The following NAALADL2 variants were observed in gnomAD, a reference collection of about 807,000 sequenced individuals.
NAALADL2 encodes inactive N-acetylated-alpha-linked acidic dipeptidase-like protein 2.
A neutral mutation model predicts 87.2 loss-of-function variants in NAALADL2; 76 were observed. The observed-to-expected ratio is 0.87, with a 90% confidence interval of 0.72 to 1.05. NAALADL2 has a LOEUF of 1.05. NAALADL2 is among the 50% of genes least tolerant of loss of function. NAALADL2 has a pLI of 0.00. For synonymous variants in NAALADL2, 354 were observed against 331.0 expected (o/e 1.07, Z -0.75); for missense variants, 1,089 against 945.8 (o/e 1.15, Z -1.99).
chr3:175,256,050 T>C (rs1466722612), intron 3 of NAALADL2, among the ~76,000 whole-genome samples: 1 of 152,230 alleles, frequency 6.6e-6, no homozygotes, highest in Admixed American at 6.5e-5. Context: ...ATATAATTGC[T>C]GTTGAACCTT....
At chr3:175,629,286 A>C (rs1452703171) in intron 11 of NAALADL2, among the ~76,000 whole-genome samples, 1 of 141,746 alleles carries the variant, frequency 7.1e-6, no homozygotes, top group South Asian at 2.2e-4. Context: ...ATATAGATGT[A>C]TACACGCAGA....
At chr3:175,789,234 A>C (rs1752488325) in intron 13 of NAALADL2, among the ~76,000 whole-genome samples, 1 of 152,134 alleles carries the variant, frequency 6.6e-6, no homozygotes, top group South Asian at 2.1e-4. Flanking sequence ...TGAGCTCTCA[A>C]GGTAATTATT....
rs934487475 is a variant in NAALADL2 at position 174,564,170 on chromosome 3, G to C, written c.-115+13533G>C. 2.6e-5 allele frequency among the ~76,000 whole-genome samples: 4 copies of C among 152,272 alleles called. No homozygotes were observed. In the East Asian group the frequency reaches 7.7e-4, roughly 29 times the overall value. ...GGCTCAGTAGCCGGGGGGCTAGTTG[G>C]GTTGGAGGGGTACTTTTACGTATTT... is the stretch of plus-strand genomic sequence containing the variant. On this transcript the variant is annotated intron_variant, in intron 2 of 3. Coordinates refer to the NAALADL2 transcript ENST00000434257.
At chr3:175,157,433 A>G (rs1317895898) in intron 2 of NAALADL2, among the ~76,000 whole-genome samples, 3 of 152,136 alleles carry the variant, frequency 2.0e-5, no homozygotes, top group Non-Finnish European at 4.4e-5. Context: ...GCTGTGATTA[A>G]CAGATACAGT....
chr3:174,671,498 G>C lies in NAALADL2; in HGVS notation c.-114-66143G>C, dbSNP rs1726532340. ...TAGTTAGGACCACTGAAAATGTGTGGTGAGGGAGAGAACAGGAGGAACTGT... is the reference window on the plus strand; with the variant it reads ...TAGTTAGGACCACTGAAAATGTGTGCTGAGGGAGAGAACAGGAGGAACTGT... On this transcript the variant is annotated intron_variant, in intron 2 of 3. Coordinates refer to the NAALADL2 transcript ENST00000434257. Among the ~76,000 whole-genome samples, 6 of 152,240 alleles carry C rather than the reference G, an allele frequency of 3.9e-5. No homozygotes were observed. The South Asian group carries it at 1.2e-3, about 32-fold the overall frequency.
intron 5 of NAALADL2, among the ~76,000 whole-genome samples, chr3:175,361,183 C>T (rs1026674551): frequency 5.5e-4 from 84 of 152,160 alleles, no homozygotes; most frequent in African/African-American, 2.0e-3. Context: ...CATGTCCCTA[C>T]GAAGGACATG....
intron 2 of NAALADL2, among the ~76,000 whole-genome samples, chr3:174,730,534 T>A (rs1732598898): frequency 1.3e-5 from 2 of 152,148 alleles, no homozygotes; most frequent in Admixed American, 1.3e-4. Flanking sequence ...CATATGAATT[T>A]TAGGCATATG....
rs138337785 is a variant in NAALADL2, at chr3:175,299,037, G to T, written c.940-25138G>T. On this transcript the variant is annotated intron_variant, in intron 4 of 13. Coordinates refer to ENST00000454872, the MANE Select transcript of NAALADL2 (RefSeq NM_207015.3). ...AGTGTAAGCATTAACAGAAAATGCG[G>T]AACAACTTAAATACTACAGGTTTGT... Among the ~76,000 whole-genome samples the T allele has an allele frequency of 2.6e-5, 4 of 152,138 alleles. No homozygotes were observed. In the East Asian group the frequency reaches 7.7e-4, roughly 29 times the overall value.
chr3:175,321,946 C>A lies in NAALADL2; in HGVS notation c.940-2229C>A, dbSNP rs1456820790. Among the ~76,000 whole-genome samples, 75 of 151,106 alleles carry A rather than the reference C, an allele frequency of 5.0e-4. 1 individual carries two copies. Among genetic ancestry groups the A allele is most frequent in the Non-Finnish European group, 8.3e-4 (56 of 67,858 alleles). On this transcript the variant is annotated intron_variant, in intron 4 of 13. Transcript: ENST00000454872. ...TTTACAGATTCAATGCCATCCCCAT[C>A]AAGCTACCAATGACTTTCTTCACAG...
Position 175,804,432 on chromosome 3 carries a change from T to C in NAALADL2, c.*1229T>C, listed in dbSNP as rs1754524928. 6.6e-6 allele frequency: 1 copy of C among 151,870 alleles called. No individual in the cohort carries two copies. The highest frequency in any genetic ancestry group is 1.5e-5 in the Non-Finnish European group (1 of 67,850). The allele number at this position is 151,870 out of a possible 1,614,324, so 9.4% of individuals were successfully genotyped here. ...TTTTTATATTGACATTGCCATTGAA[T>C]AGCTCTAGCAACTATTATTATTCCC... is the stretch of plus-strand genomic sequence containing the variant. On this transcript the variant is annotated 3_prime_UTR_variant, in exon 14 of 14. Coordinates refer to ENST00000454872, the MANE Select transcript of NAALADL2 (RefSeq NM_207015.3).
At chr3:175,556,641 A>C (rs558997949) in intron 9 of NAALADL2, among the ~76,000 whole-genome samples, 18 of 151,720 alleles carry the variant, frequency 1.2e-4, no homozygotes, top group African/African-American at 4.1e-4. Context: ...AATATATAAC[A>C]AAAAAAAATC....
intron 9 of NAALADL2, among the ~76,000 whole-genome samples, chr3:175,563,280 C>G (rs1256056957): frequency 3.3e-5 from 5 of 152,136 alleles, no homozygotes; most frequent in Non-Finnish European, 2.9e-5. Context: ...GTATTTATCT[C>G]AAGCACCTAC....
At chr3:175,216,032 A>G (rs1742463455) in intron 2 of NAALADL2, among the ~76,000 whole-genome samples, 1 of 152,158 alleles carries the variant, frequency 6.6e-6, no homozygotes, top group African/African-American at 2.4e-5. Context: ...TTTTAGTGCC[A>G]ATTTGTAATC....
intron 1 of NAALADL2, among the ~76,000 whole-genome samples, chr3:174,884,193 G>A (rs1480350938): frequency 1.3e-5 from 2 of 152,138 alleles, no homozygotes; most frequent in African/African-American, 4.8e-5. Context: ...TGGATCACTA[G>A]GGGTAATGAT....
At chr3:174,552,699 G>A (rs1712270076) in intron 2 of NAALADL2, among the ~76,000 whole-genome samples, 1 of 151,072 alleles carries the variant, frequency 6.6e-6, no homozygotes. Flanking sequence ...GGAAGGCTGA[G>A]GTGGGAGGAT....
intron 2 of NAALADL2, among the ~76,000 whole-genome samples, chr3:174,713,631 AC>A (rs1272950690): frequency 2.6e-5 from 4 of 151,866 alleles, no homozygotes; most frequent in Middle Eastern, 3.2e-3. Context: ...CATATTGTTC[AC>A]CCACTTTTTG....
At chr3:174,830,916 G>T (rs867388687) in intron 3 of NAALADL2, among the ~76,000 whole-genome samples, 12 of 149,258 alleles carry the variant, frequency 8.0e-5, no homozygotes, top group Non-Finnish European at 7.5e-5. Context: ...TTTGTCTGTT[G>T]TTGGTGTATA....
chr3:175,177,689 T>C (rs2108962224), intron 2 of NAALADL2, among the ~76,000 whole-genome samples: 1 of 152,148 alleles, frequency 6.6e-6, no homozygotes, highest in East Asian at 1.9e-4. Flanking sequence ...ACAAAAACCA[T>C]AATAGGTCCT....
chr3:175,424,671 GT>G (rs1483213313), intron 5 of NAALADL2, among the ~76,000 whole-genome samples: 1 of 152,170 alleles, frequency 6.6e-6, no homozygotes, highest in African/African-American at 2.4e-5. Flanking sequence ...GTACCATGGT[GT>G]TTTTGTTACT....
Sources: allele counts gnomAD v4.1 joint callset (sites outside exome capture counted in the v4.1 genomes callset), GRCh38; gene constraint gnomAD v4.1.1; transcripts MANE v1.5; gene names NCBI Gene and HGNC (gene_info 2026-07-23, HGNC 2026-07-21).